Variants in SEMA3C observed in about 807,000 individuals in gnomAD.
The protein encoded by SEMA3C is semaphorin 3C, also known as semaphorin-3C.
SEMA3C carries 47 observed loss-of-function variants against 89.4 expected under a neutral mutation model. The ratio of observed to expected loss-of-function variants is 0.53; its 90% CI spans 0.42 to 0.67. SEMA3C has a LOEUF of 0.67. Among genes scored for constraint, SEMA3C ranks in the 30% least tolerant of loss-of-function variants. The pLI, the probability that SEMA3C is intolerant of heterozygous loss-of-function variation, is 0.00. For synonymous variants in SEMA3C, 310 were observed against 320.2 expected (o/e 0.97, Z 0.34); for missense variants, 839 against 929.1 (o/e 0.90, Z 1.26).
intron 5 of SEMA3C, among the ~76,000 whole-genome samples, chr7:80,814,436 G>T (rs1206646133): frequency 4.0e-5 from 6 of 151,846 alleles, no homozygotes; most frequent in Admixed American, 3.9e-4. Context: ...CCTCTAATTG[G>T]CCATTAAAGT....
intron 15 of SEMA3C, among the ~76,000 whole-genome samples, chr7:80,755,977 C>T (rs117721206): frequency 0.023 from 3,438 of 152,156 alleles, 59 homozygotes; most frequent in Non-Finnish European, 0.035. Context: ...AGTCTTGGAA[C>T]GCATCTACGA....
At chr7:80,749,059 A>G in intron 16 of SEMA3C, 31 bp from the exon 17 acceptor site, 1 of 1,571,492 alleles carries the variant, frequency 6.4e-7, no homozygotes, top group Admixed American at 1.9e-5. Flanking sequence ...GCGAGAGAGA[A>G]AGAAAGAACA....
At chr7:80,905,320 G>C (rs1325447481) in intron 2 of SEMA3C, among the ~76,000 whole-genome samples, 1 of 84,394 alleles carries the variant, frequency 1.2e-5, no homozygotes, top group South Asian at 7.7e-4. Flanking sequence ...GAGAGGGGGA[G>C]AGAGGGGGAG....
intron 2 of SEMA3C, among the ~76,000 whole-genome samples, chr7:80,891,852 GAA>G (rs1791621356): frequency 1.3e-5 from 2 of 151,962 alleles, no homozygotes; most frequent in Non-Finnish European, 2.9e-5. Flanking sequence ...ATGCTAAGCA[GAA>G]AAGTCATATT....
chr7:80,787,188 T>C (rs1360396051), intron 12 of SEMA3C, among the ~76,000 whole-genome samples: 1 of 151,890 alleles, frequency 6.6e-6, no homozygotes, highest in African/African-American at 2.4e-5. Context: ...GATCAAGAGA[T>C]TGAGACCATC....
At chr7:80,922,074 TTGTG>T (rs1029213457), upstream of SEMA3C, among the ~76,000 whole-genome samples, 96 of 152,278 alleles carry the variant, frequency 6.3e-4, no homozygotes, top group African/African-American at 2.2e-3. Flanking sequence ...AGAAAATAGA[TTGTG>T]TATTTGCGAG....
intron 2 of SEMA3C, among the ~76,000 whole-genome samples, chr7:80,871,980 T>C (rs1771186493): frequency 6.6e-6 from 1 of 152,152 alleles, no homozygotes; most frequent in Admixed American, 6.5e-5. Flanking sequence ...TAATACACCA[T>C]TTTAATCCTG....
chr7:80,756,520 A>G (rs1299773441), intron 15 of SEMA3C, among the ~76,000 whole-genome samples: 1 of 152,210 alleles, frequency 6.6e-6, no homozygotes, highest in African/African-American at 2.4e-5. Context: ...AAACAGTATC[A>G]TTCACATGGT....
intron 16 of SEMA3C, among the ~76,000 whole-genome samples, 177 bp downstream of exon 16, chr7:80,751,092 A>C (rs896720287): frequency 6.6e-6 from 1 of 152,204 alleles, no homozygotes; most frequent in Non-Finnish European, 1.5e-5. Flanking sequence ...CACGATTCTC[A>C]GTATACATAC....
chr7:80,827,714 CAT>C (rs1403220985), intron 3 of SEMA3C, among the ~76,000 whole-genome samples: 1 of 152,008 alleles, frequency 6.6e-6, no homozygotes, highest in Non-Finnish European at 1.5e-5. Context: ...TTTTCAATAA[CAT>C]ATGTTCATTT....
chr7:80,864,813 C>T (rs1458745062), intron 2 of SEMA3C, among the ~76,000 whole-genome samples: 1 of 152,092 alleles, frequency 6.6e-6, no homozygotes, highest in East Asian at 1.9e-4. Flanking sequence ...AGTTTCACTC[C>T]AACTTTGCAT....
At chr7:80,791,772 G>A (rs191174174) in intron 11 of SEMA3C, among the ~76,000 whole-genome samples, 47 of 152,256 alleles carry the variant, frequency 3.1e-4, no homozygotes, top group African/African-American at 1.1e-3. Flanking sequence ...AACAAAATAT[G>A]ACAATCTCCA....
chr7:80,815,580 G>GAAAAAAAAAAAAAAAAAA (rs1789586478), intron 5 of SEMA3C, among the ~76,000 whole-genome samples: 2 of 86,206 alleles, frequency 2.3e-5, no homozygotes, highest in African/African-American at 7.5e-5. Context: ...AAAAGTAAAT[G>GAAAAAAAAAAAAAAAAAA]TAGAGGAAAG....
At chr7:80,816,438 TTAGTGA>T (rs1789609731) in intron 5 of SEMA3C, among the ~76,000 whole-genome samples, 1 of 152,154 alleles carries the variant, frequency 6.6e-6, no homozygotes, top group African/African-American at 2.4e-5. Context: ...AAATACAATC[TTAGTGA>T]TAGAGAAGAA....
At chr7:80,855,590 A>C (rs1273109052) in intron 2 of SEMA3C, among the ~76,000 whole-genome samples, 1 of 152,116 alleles carries the variant, frequency 6.6e-6, no homozygotes, top group East Asian at 1.9e-4. Context: ...ATTTTATCCT[A>C]ATCTGAGGAA....
chr7:80,791,765 A>G (rs1242565164), intron 11 of SEMA3C, among the ~76,000 whole-genome samples: 1 of 152,208 alleles, frequency 6.6e-6, no homozygotes, highest in African/African-American at 2.4e-5. Context: ...GGGGCCAAAC[A>G]AAATATGACA....
intron 12 of SEMA3C, among the ~76,000 whole-genome samples, chr7:80,787,640 C>A (rs1788835774): frequency 6.6e-6 from 1 of 152,060 alleles, no homozygotes; most frequent in Non-Finnish European, 1.5e-5. Context: ...AAGACCTTGA[C>A]AAAATCTGCA....
At position 80,906,032 on chromosome 7, in the gene SEMA3C, T is replaced by G. The variant is rs552356594; in HGVS notation, c.103+10647A>C. On this transcript the variant is annotated intron_variant, in intron 2 of 17. Coordinates refer to ENST00000265361, the MANE Select transcript of SEMA3C (RefSeq NM_006379.5). The stretch of plus-strand genomic sequence containing the variant: ...AGAGAGCAAAAGAAGGAGAGACAGA[T>G]GGACATAACAAGCTTTACAAAAGGG... The G allele has an allele frequency of 1.1e-3, 496 of 452,864 alleles. 4 individuals are homozygous for G. In the Middle Eastern group the frequency reaches 0.011, roughly 10 times the overall value. The allele number at this position is 452,864 out of a possible 1,614,324, so 28.1% of individuals were successfully genotyped here. A position where few individuals can be genotyped will look rare whatever the true frequency, so the allele number is the denominator to read the frequency against.
intron 2 of SEMA3C, among the ~76,000 whole-genome samples, chr7:80,887,123 G>C (rs931544779): frequency 6.6e-6 from 1 of 152,074 alleles, no homozygotes; most frequent in Non-Finnish European, 1.5e-5. Flanking sequence ...TAATGTATCA[G>C]TGCCATTTTA....
Sources: allele counts gnomAD v4.1 joint callset (sites outside exome capture counted in the v4.1 genomes callset), GRCh38; gene constraint gnomAD v4.1.1; transcripts MANE v1.5; gene names NCBI Gene and HGNC (gene_info 2026-07-23, HGNC 2026-07-21).